Variants in PLCL1 observed in about 807,000 individuals in gnomAD.
PLCL1 encodes the protein inactive phospholipase C-like protein 1.
PLCL1 carries 41 observed loss-of-function variants against 84.4 expected under a neutral mutation model. That is an observed-to-expected ratio of 0.49 (90% CI 0.38 to 0.63). The LOEUF is 0.63. PLCL1 is among the 30% of genes least tolerant of loss of function. The probability of loss-of-function intolerance (pLI) is 0.00; values close to 1 mark genes in which losing one functional copy is unlikely to be tolerated. For synonymous variants in PLCL1, 490 were observed against 488.3 expected, an observed-to-expected ratio of 1.00 and a Z score of -0.05; for missense variants, 1,206 against 1,367.8, an observed-to-expected ratio of 0.88 and a Z score of 1.87.
chr2:197,851,883 T>C (rs1010853482), intron 1 of PLCL1, among the ~76,000 whole-genome samples: 12 of 152,228 alleles, frequency 7.9e-5, no homozygotes, highest in Admixed American at 2.0e-4. Context: ...TGATTATATA[T>C]TAAGATTGCA....
At chr2:198,095,153 C>A (rs75586441) in intron 3 of PLCL1, among the ~76,000 whole-genome samples, 5,074 of 152,264 alleles carry the variant, frequency 0.033, 281 homozygotes, top group African/African-American at 0.11. Context: ...TTTCCAGAAA[C>A]TGTCCCTGGA....
At chr2:198,032,836 C>A (rs1235689038) in intron 1 of PLCL1, among the ~76,000 whole-genome samples, 1 of 151,948 alleles carries the variant, frequency 6.6e-6, no homozygotes, top group African/African-American at 2.4e-5. Context: ...ATCTGGAAAA[C>A]AAAGTTAAAT....
Position 198,089,061 on chromosome 2 carries a change from G to C in PLCL1, c.2919G>C (p.Leu973=). 3 of 1,611,582 alleles carry C rather than the reference G, an allele frequency of 1.9e-6. No homozygotes were observed. Among genetic ancestry groups the C allele is most frequent in the Non-Finnish European group, 2.5e-6 (3 of 1,177,800 alleles). Residue 973 remains leucine (L), a splice_region_variant and synonymous_variant, in exon 3 of 6, where the codon CTG becomes CTC. Coordinates refer to ENST00000428675, the MANE Select transcript of PLCL1 (RefSeq NM_006226.4). The part of the protein sequence containing the change: ...VQKKMLTAYD[L]MIQESRFLIE... Reference sequence around the variant, plus strand: ...AAAAGATGCTGACTGCTTATGATCTGGTAGGAAATTGCGACTCCATATTTT... The same window carrying C: ...AAAAGATGCTGACTGCTTATGATCTCGTAGGAAATTGCGACTCCATATTTT...
chr2:198,040,927 T>C (rs773847198), intron 1 of PLCL1, among the ~76,000 whole-genome samples: 4 of 152,108 alleles, frequency 2.6e-5, no homozygotes, highest in Non-Finnish European at 4.4e-5. Context: ...ACTCAGTAAA[T>C]AGGCCAAAGA....
intron 1 of PLCL1, among the ~76,000 whole-genome samples, chr2:197,984,803 GA>G (rs548300920): frequency 2.9e-4 from 44 of 152,288 alleles, no homozygotes; most frequent in Non-Finnish European, 5.0e-4. Flanking sequence ...TTCTACAAAA[GA>G]GCTTGTAAAT....
chr2:198,051,560 G>A (rs1691931777), intron 1 of PLCL1, among the ~76,000 whole-genome samples: 1 of 151,918 alleles, frequency 6.6e-6, no homozygotes, highest in Admixed American at 6.6e-5. Context: ...ACAAAAACAA[G>A]CAAACAAAAC....
At chr2:197,933,294 C>T (rs1337160571) in intron 1 of PLCL1, among the ~76,000 whole-genome samples, 21 of 132,726 alleles carry the variant, frequency 1.6e-4, no homozygotes, top group African/African-American at 5.4e-4. Context: ...GACGGAGTCT[C>T]TCTCTGTTGC....
At chr2:197,976,585 A>T (rs1261725197) in intron 1 of PLCL1, among the ~76,000 whole-genome samples, 1 of 152,100 alleles carries the variant, frequency 6.6e-6, no homozygotes, top group African/African-American at 2.4e-5. Flanking sequence ...AGTAGCTGGG[A>T]TTACAGGTGT....
intron 1 of PLCL1, among the ~76,000 whole-genome samples, chr2:197,968,469 A>AT (rs1405785142): frequency 6.6e-6 from 1 of 152,194 alleles, no homozygotes. Flanking sequence ...AGTATTCATC[A>AT]TTTTTGGGGT....
At chr2:197,845,962 A>C (rs565809122) in intron 1 of PLCL1, among the ~76,000 whole-genome samples, 3 of 152,122 alleles carry the variant, frequency 2.0e-5, no homozygotes, top group Non-Finnish European at 2.9e-5. Context: ...TCTCCAGTGC[A>C]CTTGATACTA....
chr2:197,995,599 G>A (rs1007774868), intron 1 of PLCL1, among the ~76,000 whole-genome samples: 6 of 152,066 alleles, frequency 3.9e-5, no homozygotes, highest in African/African-American at 1.2e-4. Context: ...AACCCTGGGC[G>A]GAGAGCACAG....
intron 5 of PLCL1, among the ~76,000 whole-genome samples, chr2:198,141,169 G>A (rs867649942): frequency 2.0e-5 from 3 of 152,278 alleles, no homozygotes; most frequent in Middle Eastern, 3.4e-3. Flanking sequence ...TGTTCATGGA[G>A]TAAAAATTTA....
At chr2:198,119,866 C>A (rs1431115757) in intron 5 of PLCL1, among the ~76,000 whole-genome samples, 1 of 151,932 alleles carries the variant, frequency 6.6e-6, no homozygotes, top group Admixed American at 6.6e-5. Context: ...AGAAGCTCTG[C>A]AAGTTGTTCA....
chr2:197,890,163 G>T (rs1471829384), intron 1 of PLCL1, among the ~76,000 whole-genome samples: 2 of 152,172 alleles, frequency 1.3e-5, no homozygotes, highest in African/African-American at 4.8e-5. Flanking sequence ...TGAAAAAATT[G>T]ACAACAGATA....
At chr2:198,136,989 A>G (rs1490158347) in intron 5 of PLCL1, among the ~76,000 whole-genome samples, 2 of 152,168 alleles carry the variant, frequency 1.3e-5, no homozygotes, top group African/African-American at 4.8e-5. Context: ...CAGCACAAGG[A>G]TAGTATTTAT....
At chr2:198,011,384 A>G (rs1201725154) in intron 1 of PLCL1, among the ~76,000 whole-genome samples, 1 of 151,952 alleles carries the variant, frequency 6.6e-6, no homozygotes, top group Non-Finnish European at 1.5e-5. Flanking sequence ...GTTGTTTATG[A>G]GTGCATTGTT....
At chr2:197,909,926 C>G (rs1317483648) in intron 1 of PLCL1, among the ~76,000 whole-genome samples, 5 of 151,934 alleles carry the variant, frequency 3.3e-5, no homozygotes, top group Non-Finnish European at 7.4e-5. Context: ...TCATCTGCAC[C>G]TATTGTGGTT....
intron 1 of PLCL1, among the ~76,000 whole-genome samples, chr2:197,824,582 T>A (rs951345725): frequency 2.0e-5 from 3 of 151,782 alleles, no homozygotes; most frequent in African/African-American, 7.3e-5. Context: ...GGTGTGGTGG[T>A]GCATGCCTAT....
chr2:197,951,340 C>A (rs1689385954), intron 1 of PLCL1, among the ~76,000 whole-genome samples: 1 of 152,116 alleles, frequency 6.6e-6, no homozygotes, highest in Non-Finnish European at 1.5e-5. Context: ...CTGCCTTGTG[C>A]TTCACATGAC....
Sources: gnomAD v4.1 joint callset for allele counts (sites outside exome capture counted in the v4.1 genomes callset) on GRCh38, gnomAD v4.1.1 for gene constraint, MANE v1.5 for transcripts, NCBI Gene and HGNC (gene_info 2026-07-23, HGNC 2026-07-21) for gene names.